TDRD3: variants seen among roughly 807,000 people sequenced by gnomAD.
The protein encoded by TDRD3 is tudor domain-containing protein 3.
In TDRD3, 45 loss-of-function variants were observed where a neutral mutation model predicts 86.7. The ratio of observed to expected loss-of-function variants is 0.52; its 90% CI spans 0.41 to 0.67. The LOEUF (loss-of-function observed/expected upper bound fraction) is 0.67, where lower values mean the gene tolerates loss of function less well. Among genes scored for constraint, TDRD3 ranks in the 30% least tolerant of loss-of-function variants. The pLI, the probability that TDRD3 is intolerant of heterozygous loss-of-function variation, is 0.00. For synonymous variants in TDRD3, 298 were observed against 301.7 expected (o/e 0.99, Z 0.13); for missense variants, 814 against 889.0 (o/e 0.92, Z 1.07).
intron 4 of TDRD3, among the ~76,000 whole-genome samples, chr13:60,465,541 T>A (rs1044285580): frequency 2.0e-4 from 31 of 152,302 alleles, no homozygotes; most frequent in Non-Finnish European, 3.7e-4. Context: ...AATAATTTTT[T>A]AATTGCTTTA....
rs746006256 is a variant in TDRD3, at chr13:60,530,616, A to ATT, written c.1992+1415_1992+1416dup. 9.2e-3 allele frequency among the ~76,000 whole-genome samples: 1,146 copies of ATT among 125,086 alleles called. 13 individuals carry two copies. The highest frequency in any genetic ancestry group is 0.031 in the African/African-American group (1,059 of 33,962). 82.1% of individuals were successfully genotyped at this position (125,086 alleles called of 152,430 possible). On this transcript the variant is annotated intron_variant, in intron 11 of 13. Coordinates refer to ENST00000377881, the MANE Select transcript of TDRD3 (RefSeq NM_001146070.2). Reference sequence around the variant, plus strand: ...CTACCATGCCCAGCTAATTTTTTGTATTTTTTTTTTTTTTTTTAAGTAGAG... The same window carrying ATT: ...CTACCATGCCCAGCTAATTTTTTGTATTTTTTTTTTTTTTTTTTTAAGTAGAG...
chr13:60,492,637 T>C (rs1595014924), intron 7 of TDRD3, among the ~76,000 whole-genome samples: 1 of 152,324 alleles, frequency 6.6e-6, no homozygotes, highest in Admixed American at 6.5e-5. Context: ...ATAAATACGT[T>C]TTTCTAGTTA....
Position 60,535,142 on chromosome 13 carries a change from C to T in TDRD3, c.2027C>T (p.Ser676Leu), listed in dbSNP as rs769041220. 20 of 1,613,720 alleles carry T rather than the reference C, an allele frequency of 1.2e-5. No homozygotes were observed. Among genetic ancestry groups the T allele is most frequent in the Admixed American group, 5.0e-5 (3 of 59,962 alleles). The change falls in exon 12 of 14, where the codon TCG becomes TTG. Residue 676 changes from serine (S) to leucine (L), a missense_variant. Ser to Leu is a moderately radical substitution (Grantham distance 145). Transcript: ENST00000377881. ...GCAGAAGTTGAAGCCCTCCATTCTT[C>T]GGGTATGACAGCAGTTGTTAAATTC... ...YRAEVEALHSSGMTAVVKFID... is the reference protein window; with the variant it reads ...YRAEVEALHSLGMTAVVKFID...
intron 10 of TDRD3, among the ~76,000 whole-genome samples, chr13:60,523,496 A>C (rs1042600368): frequency 6.6e-6 from 1 of 151,144 alleles, no homozygotes; most frequent in African/African-American, 2.4e-5. Context: ...TAGTTTTCTC[A>C]TATGAGCTTT....
intron 3 of TDRD3, among the ~76,000 whole-genome samples, chr13:60,446,656 C>T (rs761955543): frequency 4.6e-5 from 7 of 152,162 alleles, no homozygotes; most frequent in South Asian, 2.1e-4. Flanking sequence ...GAAGCTGGCA[C>T]ACAGAAATTA....
At chr13:60,401,168 C>T (rs547587711) in intron 1 of TDRD3, among the ~76,000 whole-genome samples, 17 of 152,080 alleles carry the variant, frequency 1.1e-4, no homozygotes, top group East Asian at 1.9e-4. Context: ...TTTAAGAATA[C>T]AGTTGGCCCT....
At position 60,509,311 on chromosome 13, in the gene TDRD3, A is replaced by T. The variant is rs562217091; in HGVS notation, c.859-452A>T. ...AGCTAGAATACTCAAGTACTAGTTTAAAAAAAAAAGCTCCTGGGGGGTATC... is the reference window on the plus strand; with the variant it reads ...AGCTAGAATACTCAAGTACTAGTTTTAAAAAAAAAGCTCCTGGGGGGTATC... On this transcript the variant is annotated intron_variant, in intron 8 of 13. Coordinates refer to ENST00000377881, the MANE Select transcript of TDRD3 (RefSeq NM_001146070.2). Among the ~76,000 whole-genome samples, 755 of 108,332 alleles carry T rather than the reference A, an allele frequency of 7.0e-3. 3 individuals are homozygous for T. Among genetic ancestry groups the T allele is most frequent in the Middle Eastern group, 0.034 (7 of 204 alleles). 71.1% of individuals were successfully genotyped at this position (108,332 alleles called of 152,430 possible). A position where few individuals can be genotyped will look rare whatever the true frequency, so the allele number is the denominator to read the frequency against.
intron 1 of TDRD3, among the ~76,000 whole-genome samples, chr13:60,408,102 T>G (rs1003193254): frequency 6.6e-6 from 1 of 152,104 alleles, no homozygotes; most frequent in African/African-American, 2.4e-5. Flanking sequence ...TAAGCCCAAA[T>G]AAGTCTCAGG....
intron 1 of TDRD3, among the ~76,000 whole-genome samples, chr13:60,422,621 GA>G (rs1954689601): frequency 6.6e-6 from 1 of 151,876 alleles, no homozygotes; most frequent in South Asian, 2.1e-4. Context: ...TGGAGCTTTG[GA>G]AAGAAATGGA....
rs762480761 is a variant in TDRD3, at chr13:60,494,416, A to G, written c.718-19A>G. 5 of 1,599,640 alleles carry G rather than the reference A, an allele frequency of 3.1e-6. No homozygotes were observed. Among genetic ancestry groups the G allele is most frequent in the Non-Finnish European group, 4.3e-6 (5 of 1,172,094 alleles). ...AATGCTGTCTACATACCTCTCTTTT[A>G]TCTTTCTCTTATGTAAAGACCAAGA... On this transcript the variant is annotated intron_variant, in intron 7 of 13. Transcript: ENST00000377881.
At chr13:60,478,291 A>ATTT (rs34449105) in intron 5 of TDRD3, among the ~76,000 whole-genome samples, 11 of 74,332 alleles carry the variant, frequency 1.5e-4, no homozygotes, top group Admixed American at 3.2e-4. Flanking sequence ...CAGTCTACCA[A>ATTT]TTTTTTTTTT....
intron 12 of TDRD3, 109 bp from the exon 13 acceptor site, chr13:60,567,416 C>A (rs1169569528): frequency 7.1e-6 from 10 of 1,413,130 alleles, no homozygotes; most frequent in Non-Finnish European, 8.8e-6. Context: ...TGTGTGAATT[C>A]CAGGGCAGCT....
Position 60,535,078 on chromosome 13 carries a change from T to G in TDRD3, c.1993-30T>G, listed in dbSNP as rs374773827. The G allele has an allele frequency of 4.0e-5, 64 of 1,611,830 alleles. No individual in the cohort carries two copies. In the African/African-American group the frequency reaches 7.9e-4, roughly 20 times the overall value. On this transcript the variant is annotated intron_variant, in intron 11 of 13. Transcript: ENST00000377881. ...TGCCCTTTATAGACAATACCAGTTGTCATATTTAAAACTCCTTTTGCCTCC... is the reference window on the plus strand; with the variant it reads ...TGCCCTTTATAGACAATACCAGTTGGCATATTTAAAACTCCTTTTGCCTCC...
intron 3 of TDRD3, among the ~76,000 whole-genome samples, chr13:60,449,666 C>G (rs897443267): frequency 3.3e-5 from 5 of 151,850 alleles, no homozygotes; most frequent in African/African-American, 1.2e-4. Flanking sequence ...TTGCAAAAAC[C>G]TATTCAAGAT....
intron 11 of TDRD3, 56 bp downstream of exon 11, chr13:60,529,273 G>C (rs1957528249): frequency 6.7e-7 from 1 of 1,497,746 alleles, no homozygotes; most frequent in South Asian, 1.4e-5. Context: ...ACATTCTAGT[G>C]GGACTTTATA....
chr13:60,490,285 T>G (rs1334806267), intron 7 of TDRD3, among the ~76,000 whole-genome samples: 2 of 152,064 alleles, frequency 1.3e-5, no homozygotes, highest in Non-Finnish European at 2.9e-5. Flanking sequence ...CTCAAGATAG[T>G]GAGAGCTGAG....
chr13:60,528,465 C>T lies in TDRD3; in HGVS notation c.1240C>T (p.Pro414Ser), dbSNP rs1957499151. 5 of 1,613,954 alleles carry T rather than the reference C, an allele frequency of 3.1e-6. No homozygotes were observed. The highest frequency in any genetic ancestry group is 1.3e-5 in the African/African-American group (1 of 75,000). ...VKDNNHLRHP[P>S]RNDTRQPRNE... Reference sequence around the variant, plus strand: ...AGATAATAATCATCTGAGACATCCTCCTCGAAATGATACCAGGCAGCCAAG... The same window carrying T: ...AGATAATAATCATCTGAGACATCCTTCTCGAAATGATACCAGGCAGCCAAG... Residue 414 changes from proline (P) to serine (S), a missense_variant, in exon 11 of 14, where the codon CCT (proline) becomes TCT (serine). Transcript: ENST00000377881.
chr13:60,555,310 AT>A (rs1958158889), intron 12 of TDRD3, among the ~76,000 whole-genome samples: 1 of 152,218 alleles, frequency 6.6e-6, no homozygotes. Flanking sequence ...ATGGTTGATA[AT>A]GTGAGGATTA....
chr13:60,507,108 G>A (rs1234757323), intron 8 of TDRD3, among the ~76,000 whole-genome samples: 1 of 151,786 alleles, frequency 6.6e-6, no homozygotes, highest in Non-Finnish European at 1.5e-5. Flanking sequence ...AGAGACAAGG[G>A]CATTACATAA....
Sources: allele counts gnomAD v4.1 joint callset (sites outside exome capture counted in the v4.1 genomes callset), GRCh38; gene constraint gnomAD v4.1.1; transcripts MANE v1.5; gene names NCBI Gene and HGNC (gene_info 2026-07-23, HGNC 2026-07-21).